The following NAA60 variants were observed in gnomAD, a reference collection of about 807,000 sequenced individuals.
NAA60 encodes N-alpha-acetyltransferase 60, NatF catalytic subunit, also known as N-alpha-acetyltransferase 60.
In NAA60, 8 loss-of-function variants were observed where a neutral mutation model predicts 26.1. That is an observed-to-expected ratio of 0.31 (90% CI 0.18 to 0.55). The LOEUF is 0.55. Among genes scored for constraint, NAA60 ranks in the 20% least tolerant of loss-of-function variants. The pLI is 0.93. For missense variants in NAA60, 290 were observed against 311.3 expected, an observed-to-expected ratio of 0.93 and a Z score of 0.51; for synonymous variants, 131 against 122.5, an observed-to-expected ratio of 1.07 and a Z score of -0.46.
At chr16:3,462,465 T>C (rs2035473612) in intron 2 of NAA60, 1 of 152,250 alleles carries the variant, frequency 6.6e-6, no homozygotes, top group Non-Finnish European at 1.5e-5. Context: ...GATTATTCTT[T>C]CCAGAGTCTG....
At chr16:3,464,022 C>CTTTTATTTTA (rs570564808) in intron 2 of NAA60, among the ~76,000 whole-genome samples, 2 of 152,124 alleles carry the variant, frequency 1.3e-5, no homozygotes, top group Admixed American at 6.5e-5. Context: ...ATTTGGATTA[C>CTTTTATTTTA]TTTTATTTTA....
chr16:3,471,494 A>G (rs2040591315), intron 2 of NAA60, among the ~76,000 whole-genome samples: 1 of 151,882 alleles, frequency 6.6e-6, no homozygotes, highest in African/African-American at 2.4e-5. Flanking sequence ...GCAGAGCAAG[A>G]CTCCATCTCA....
At position 3,485,653 on chromosome 16, in the gene NAA60, C is replaced by CTT. The variant is rs1299602037; in HGVS notation, c.*395_*396dup. On this transcript the variant is annotated 3_prime_UTR_variant, in exon 8 of 8. Transcript: ENST00000407558. ...CTCCTTCCTGGAAAGCTGGAGGGGA[C>CTT]TTTCTCCTGCAAGGGAGGAACGCAA... The CTT allele has an allele frequency of 2.2e-6, 1 of 456,714 alleles. No homozygotes were observed. The highest frequency in any genetic ancestry group is 2.3e-5 in the Admixed American group (1 of 42,586). 28.3% of individuals were successfully genotyped at this position (456,714 alleles called of 1,614,324 possible).
intron 2 of NAA60, among the ~76,000 whole-genome samples, chr16:3,451,671 A>G (rs561263943): frequency 8.5e-5 from 13 of 152,280 alleles, no homozygotes; most frequent in African/African-American, 3.1e-4. Context: ...TAATCCTAAC[A>G]CTTTGGGAGG....
intron 2 of NAA60, among the ~76,000 whole-genome samples, chr16:3,454,791 A>C (rs1313498078): frequency 1.3e-5 from 2 of 152,172 alleles, no homozygotes; most frequent in Non-Finnish European, 2.9e-5. Context: ...TCACAGAGCC[A>C]AGGGAGAATG....
chr16:3,455,386 G>GTTT (rs35501650), intron 2 of NAA60, among the ~76,000 whole-genome samples: 2,565 of 101,920 alleles, frequency 0.025, 120 homozygotes, highest in South Asian at 0.084. Flanking sequence ...AGAGTTTTTA[G>GTTT]TTTTTTTTTT....
intron 2 of NAA60, chr16:3,467,710 G>T (rs1407596947): frequency 6.6e-6 from 1 of 152,246 alleles, no homozygotes; most frequent in Non-Finnish European, 1.5e-5. Flanking sequence ...AGTGGCGGGG[G>T]ATGGCAGACA....
chr16:3,465,811 C>T (rs1003758352), intron 2 of NAA60, among the ~76,000 whole-genome samples: 2 of 152,158 alleles, frequency 1.3e-5, no homozygotes, highest in Admixed American at 6.5e-5. Flanking sequence ...CTGGTATGTC[C>T]GCCCCATATA....
rs188907823 is a variant in NAA60, at chr16:3,446,499, C to G, written c.-76-1972C>G. ...TGAGCCGAGATCACACCACTGCACT[C>G]CAGCCTGGGTGACAGAGTGAGACTC... On this transcript the variant is annotated intron_variant, in intron 1 of 7. Coordinates refer to ENST00000407558, the MANE Select transcript of NAA60 (RefSeq NM_001083601.3). 3.2e-3 allele frequency among the ~76,000 whole-genome samples: 474 copies of G among 149,476 alleles called. 1 individual carries two copies. Among genetic ancestry groups the G allele is most frequent in the Admixed American group, 6.5e-3 (97 of 15,000 alleles).
chr16:3,443,860 T>G, intron 1 of NAA60, 23 bp downstream of exon 1: 1 of 1,528,440 alleles, frequency 6.5e-7, no homozygotes, highest in Non-Finnish European at 8.7e-7. Context: ...AACAGTGCCC[T>G]GTAGGCCTGA....
At chr16:3,448,825 A>G (rs191062858) in intron 2 of NAA60, 33 of 290,180 alleles carry the variant, frequency 1.1e-4, no homozygotes, top group African/African-American at 6.7e-4. Flanking sequence ...GTCTCTTGTG[A>G]GTCTGATGGG....
intron 7 of NAA60, 177 bp downstream of exon 7, chr16:3,485,238 G>A: frequency 1.5e-6 from 1 of 663,044 alleles, no homozygotes; most frequent in Non-Finnish European, 2.8e-6. Flanking sequence ...AGCTAACACA[G>A]CAGGCTCCAT....
In NAA60 at chr16:3,463,573, AT is replaced by A. The variant is rs1168171420; in HGVS notation, c.-6-12648del. ...TGTTAAAAAAAAAAAAAAAAAAAAA[AT>A]GCAAGCTGGCGCGGATGCAGTGGCT... On this transcript the variant is annotated intron_variant, in intron 2 of 7. Transcript: ENST00000407558. 8.2e-3 allele frequency among the ~76,000 whole-genome samples: 1,026 copies of A among 124,892 alleles called. 17 individuals carry two copies. The highest frequency in any genetic ancestry group is 0.03 in the African/African-American group (978 of 32,704). 81.9% of individuals were successfully genotyped at this position (124,892 alleles called of 152,430 possible).
chr16:3,484,782 G>T lies in NAA60; in HGVS notation c.656G>T (p.Ser219Ile). ...IPHRVYRQAH[S>I]LLCSFLPWSG... ...CACAGAGTCTACCGCCAGGCCCACA[G>T]CCTGCTCTGCAGCTTCCTGCCATGG... Residue 219 changes from serine to isoleucine, a missense_variant, in exon 7 of 8, where the codon AGC becomes ATC. Ser to Ile is a moderately radical substitution (Grantham distance 142, BLOSUM62 -2). Coordinates refer to ENST00000407558, the MANE Select transcript of NAA60 (RefSeq NM_001083601.3). 6.3e-7 allele frequency: 1 copy of T among 1,586,590 alleles called. No individual in the cohort carries two copies. The highest frequency in any genetic ancestry group is 8.6e-7 in the Non-Finnish European group (1 of 1,167,498).
chr16:3,482,364 C>T, intron 4 of NAA60, 138 bp from the exon 5 acceptor site: 2 of 701,210 alleles, frequency 2.9e-6, no homozygotes, highest in Admixed American at 2.1e-5. Flanking sequence ...CTCTCCAGTA[C>T]CTCTTGATTC....
Position 3,476,244 on chromosome 16 carries a change from C to T in NAA60, c.17C>T (p.Pro6Leu). ...CAGGTGTGAATGACAGAGGTGGTGC[C>T]ATCCAGCGCGCTCAGCGAGGTCAGC... Reference protein sequence around the residue: MTEVVPSSALSEVSLR... With the variant: MTEVVLSSALSEVSLR... Residue 6 changes from proline to leucine, a missense_variant, in exon 3 of 8, where the codon CCA becomes CTA. Physicochemically the swap from Pro to Leu is moderately conservative, Grantham distance 98 (BLOSUM62 -3). Transcript: ENST00000407558. 2 of 1,613,340 alleles carry T rather than the reference C, an allele frequency of 1.2e-6. No homozygotes were observed. The highest frequency in any genetic ancestry group is 1.7e-5 in the Admixed American group (1 of 59,950).
intron 2 of NAA60, among the ~76,000 whole-genome samples, chr16:3,450,910 A>C (rs1243120144): frequency 6.6e-6 from 1 of 152,166 alleles, no homozygotes; most frequent in Non-Finnish European, 1.5e-5. Flanking sequence ...ACAATACTGA[A>C]CTTTCAAGGC....
In NAA60 at chr16:3,448,544, A is replaced by C. The variant is rs1019876324; in HGVS notation, c.-7+4A>C. ...GTTGGGAGAAGAGCTCCAGAGAGTG[A>C]GTCAAAGCGCTCTGTGTCCTGCTAT... On this transcript the variant is annotated splice_donor_region_variant and intron_variant, in intron 2 of 7. Transcript: ENST00000407558. The C allele has an allele frequency of 7.2e-6, 11 of 1,535,070 alleles. No individual in the cohort carries two copies. In the Admixed American group the frequency reaches 1.2e-4, roughly 16 times the overall value.
chr16:3,446,406 C>G (rs2034555531), intron 1 of NAA60, among the ~76,000 whole-genome samples: 1 of 151,536 alleles, frequency 6.6e-6, no homozygotes, highest in Admixed American at 6.6e-5. Flanking sequence ...TAGCGGGCAC[C>G]TGTAGTCCCA....
Sources: allele counts gnomAD v4.1 joint callset (sites outside exome capture counted in the v4.1 genomes callset), GRCh38; gene constraint gnomAD v4.1.1; transcripts MANE v1.5; gene names NCBI Gene and HGNC (gene_info 2026-07-23, HGNC 2026-07-21).